The following GRIN2A variants were observed in gnomAD, a reference collection of about 807,000 sequenced individuals.
The protein encoded by GRIN2A is glutamate receptor ionotropic, NMDA 2A.
In GRIN2A, 22 loss-of-function variants were observed where a neutral mutation model predicts 113.4. That is an observed-to-expected ratio of 0.19 (90% confidence interval 0.14 to 0.28). The LOEUF (loss-of-function observed/expected upper bound fraction) is 0.28, where lower values mean the gene tolerates loss of function less well. GRIN2A is among the 10% of genes least tolerant of loss of function. The pLI is 1.00. For missense variants in GRIN2A, 1,502 were observed against 1,887.0 expected, an observed-to-expected ratio of 0.80 and a Z score of 3.78; for synonymous variants, 827 against 738.4, an observed-to-expected ratio of 1.12 and a Z score of -1.94.
intron 4 of GRIN2A, among the ~76,000 whole-genome samples, chr16:9,879,751 A>T (rs1210888377): frequency 6.6e-6 from 1 of 152,200 alleles, no homozygotes; most frequent in African/African-American, 2.4e-5. Flanking sequence ...CTCCATTTGC[A>T]AAAGAGGGTA....
chr16:10,099,372 C>T (rs1434025979), intron 2 of GRIN2A, among the ~76,000 whole-genome samples: 2 of 152,224 alleles, frequency 1.3e-5, no homozygotes, highest in African/African-American at 4.8e-5. Context: ...ATGCAAATCA[C>T]CAGAGCTCAG....
intron 3 of GRIN2A, among the ~76,000 whole-genome samples, chr16:9,907,259 G>C (rs1171480488): frequency 6.6e-6 from 1 of 152,158 alleles, no homozygotes; most frequent in Non-Finnish European, 1.5e-5. Flanking sequence ...TCGTTGTATG[G>C]ATAAACAATG....
At chr16:10,015,262 AAAAAAAAAAG>A (rs2141879833) in intron 2 of GRIN2A, among the ~76,000 whole-genome samples, 1 of 134,132 alleles carries the variant, frequency 7.5e-6, no homozygotes, top group East Asian at 2.1e-4. Flanking sequence ...CAAAAAAAAA[AAAAAAAAAAG>A]AAAAAAAAAA....
intron 2 of GRIN2A, among the ~76,000 whole-genome samples, chr16:10,154,564 G>T (rs1444615498): frequency 6.6e-6 from 1 of 152,186 alleles, no homozygotes; most frequent in South Asian, 2.1e-4. Flanking sequence ...GGTAGAGGAG[G>T]CTCAGTACAT....
chr16:10,115,533 T>C (rs1288738961), intron 2 of GRIN2A, among the ~76,000 whole-genome samples: 3 of 152,222 alleles, frequency 2.0e-5, no homozygotes, highest in African/African-American at 7.2e-5. Context: ...TAAATCATTA[T>C]CTGAACCAAC....
intron 2 of GRIN2A, among the ~76,000 whole-genome samples, chr16:10,159,531 AAGCATGCAAAAGGC>A (rs1303857223): frequency 2.0e-5 from 3 of 151,924 alleles, no homozygotes; most frequent in Non-Finnish European, 4.4e-5. Context: ...TAGGTCCCCC[AAGCATGCAAAAGGC>A]AGATCATCAT....
intron 2 of GRIN2A, among the ~76,000 whole-genome samples, chr16:10,161,790 G>A (rs1437693656): frequency 6.6e-6 from 1 of 152,158 alleles, no homozygotes; most frequent in East Asian, 1.9e-4. Flanking sequence ...CCAGCTTCTG[G>A]AGGATGCTGG....
intron 3 of GRIN2A, among the ~76,000 whole-genome samples, chr16:9,912,258 G>A (rs189179957): frequency 6.6e-6 from 1 of 152,216 alleles, no homozygotes. Context: ...GTGATGGTGT[G>A]ATGTTGATAG....
At chr16:10,040,056 TAA>T (rs2047129324) in intron 2 of GRIN2A, among the ~76,000 whole-genome samples, 4 of 3,232 alleles carry the variant, frequency 1.2e-3, no homozygotes, top group Non-Finnish European at 2.8e-3. Context: ...CACACCACCA[TAA>T]ATACACTACA....
intron 2 of GRIN2A, among the ~76,000 whole-genome samples, chr16:9,978,557 T>A (rs886597242): frequency 2.0e-5 from 3 of 151,984 alleles, no homozygotes; most frequent in African/African-American, 7.3e-5. Flanking sequence ...TTCCTCCCCA[T>A]CCTCCTCTTA....
Position 9,753,664 on chromosome 16 carries a change from T to G in GRIN2A, c.*9485A>C, listed in dbSNP as rs1900253765. 1 of 195,500 alleles carries G rather than the reference T, an allele frequency of 5.1e-6. No individual in the cohort carries two copies. 12.1% of individuals were successfully genotyped at this position (195,500 alleles called of 1,614,324 possible). A position where few individuals can be genotyped will look rare whatever the true frequency, so the allele number is the denominator to read the frequency against. On this transcript the variant is annotated 3_prime_UTR_variant, in exon 13 of 13. Transcript: ENST00000330684. Reference sequence around the variant, plus strand: ...AAAGGTGTTAAGCAAACATATAATTTTGTAGCTATGCTTGGAAATATTTAA... The same window carrying G: ...AAAGGTGTTAAGCAAACATATAATTGTGTAGCTATGCTTGGAAATATTTAA...
At chr16:9,877,064 A>C (rs1024148447) in intron 4 of GRIN2A, among the ~76,000 whole-genome samples, 3 of 152,328 alleles carry the variant, frequency 2.0e-5, no homozygotes, top group South Asian at 4.1e-4. Context: ...TGTGCAAAGT[A>C]CTGGAACAAG....
chr16:10,071,839 T>C (rs1232652956), intron 2 of GRIN2A, among the ~76,000 whole-genome samples: 1 of 152,218 alleles, frequency 6.6e-6, no homozygotes, highest in Non-Finnish European at 1.5e-5. Flanking sequence ...TTAAATTGTT[T>C]ATATGCATCA....
At chr16:10,019,023 A>C (rs1281587065) in intron 2 of GRIN2A, among the ~76,000 whole-genome samples, 1 of 151,676 alleles carries the variant, frequency 6.6e-6, no homozygotes, top group African/African-American at 2.4e-5. Context: ...AACAATGATC[A>C]TCCATTTCCC....
At chr16:9,992,220 G>A (rs567607340) in intron 2 of GRIN2A, among the ~76,000 whole-genome samples, 1 of 152,192 alleles carries the variant, frequency 6.6e-6, no homozygotes, top group African/African-American at 2.4e-5. Flanking sequence ...TGAAAAGATA[G>A]GGAATCAATC....
chr16:10,007,615 A>C (rs2046428135), intron 2 of GRIN2A, among the ~76,000 whole-genome samples: 1 of 151,990 alleles, frequency 6.6e-6, no homozygotes, highest in Non-Finnish European at 1.5e-5. Context: ...TGCTGTGCAG[A>C]AGTTTTTTAA....
At chr16:9,822,214 A>G (rs781750255) in intron 10 of GRIN2A, 50 bp downstream of exon 10, 1 of 1,591,406 alleles carries the variant, frequency 6.3e-7, no homozygotes, top group Non-Finnish European at 8.6e-7. Context: ...CAATTTCTGT[A>G]AGGTTTATCG....
At chr16:9,779,953 C>CAAACCCAGATGCTTAGCACAATGTGTAA (rs1901845821) in intron 11 of GRIN2A, among the ~76,000 whole-genome samples, 1 of 152,234 alleles carries the variant, frequency 6.6e-6, no homozygotes, top group African/African-American at 2.4e-5. Context: ...GACATTAAAT[C>CAAACCCAGATGCTTAGCACAATGTGTAA]TGAGGTCAGG....
chr16:10,101,136 A>G (rs949395691), intron 2 of GRIN2A, among the ~76,000 whole-genome samples: 1 of 152,206 alleles, frequency 6.6e-6, no homozygotes, highest in Non-Finnish European at 1.5e-5. Context: ...GGCTCCTTTC[A>G]TGGGCAACCT....
Sources: gnomAD v4.1 joint callset for allele counts (sites outside exome capture counted in the v4.1 genomes callset) on GRCh38, gnomAD v4.1.1 for gene constraint, MANE v1.5 for transcripts, NCBI Gene and HGNC (gene_info 2026-07-23, HGNC 2026-07-21) for gene names.